OLFM1: variants seen among roughly 807,000 people sequenced by gnomAD.
OLFM1 encodes the protein olfactomedin 1, also known as noelin.
In OLFM1, 9 loss-of-function variants were observed where a neutral mutation model predicts 49.7. The observed-to-expected ratio is 0.18, with a 90% CI of 0.11 to 0.32. OLFM1 has a LOEUF of 0.32. Among genes scored for constraint, OLFM1 ranks in the 10% least tolerant of loss-of-function variants. The pLI is 1.00. For synonymous variants in OLFM1, 240 were observed against 271.8 expected (o/e 0.88, Z 1.15); for missense variants, 369 against 661.8 (o/e 0.56, Z 4.85).
intron 4 of OLFM1, among the ~76,000 whole-genome samples, chr9:135,101,846 C>T (rs574885998): frequency 8.5e-5 from 13 of 152,328 alleles, no homozygotes; most frequent in African/African-American, 2.9e-4. Flanking sequence ...TTCAGGCCTC[C>T]GTGGTCCTCT....
intron 2 of OLFM1, among the ~76,000 whole-genome samples, chr9:135,093,603 T>G (rs552358675): frequency 6.6e-6 from 1 of 152,288 alleles, no homozygotes; most frequent in South Asian, 2.1e-4. Context: ...CCCTCCCGCT[T>G]CTTAATGCCT....
At chr9:135,119,218 G>A (rs1429202882) in intron 5 of OLFM1, among the ~76,000 whole-genome samples, 1 of 150,272 alleles carries the variant, frequency 6.7e-6, no homozygotes, top group Non-Finnish European at 1.5e-5. Context: ...AGTGCTCGCT[G>A]TGTCTTTGGA....
chr9:135,087,107 C>T (rs1398850213), upstream of OLFM1, among the ~76,000 whole-genome samples: 1 of 152,252 alleles, frequency 6.6e-6, no homozygotes, highest in African/African-American at 2.4e-5. Flanking sequence ...CTTAGGGCAC[C>T]GCGGCTGCCC....
At chr9:135,108,516 C>T (rs1295496889) in intron 5 of OLFM1, among the ~76,000 whole-genome samples, 1 of 151,990 alleles carries the variant, frequency 6.6e-6, no homozygotes, top group Non-Finnish European at 1.5e-5. Flanking sequence ...ACCTGTAATC[C>T]CAGCGACTCC....
rs1031421310 is a variant in OLFM1 at position 135,120,321 on chromosome 9, C to T, written c.*143C>T. The T allele has an allele frequency of 6.9e-6, 5 of 726,740 alleles. No homozygotes were observed. The African/African-American group carries it at 8.9e-5, about 13-fold the overall frequency. The allele number at this position is 726,740 out of a possible 1,614,324, so 45.0% of individuals were successfully genotyped here. ...TGCGGATTCTGACATCGAGGGATGG[C>T]ATTACCTCCGTGTTTCTCCCTTTCG... On this transcript the variant is annotated 3_prime_UTR_variant, in exon 6 of 6. Transcript: ENST00000371793.
Position 135,080,770 on chromosome 9 carries a change from C to T in OLFM1, c.96+4968C>T, listed in dbSNP as rs140390192. Among the ~76,000 whole-genome samples the T allele has an allele frequency of 1.7e-3, 266 of 152,262 alleles. No homozygotes were observed. The highest frequency in any genetic ancestry group is 6.1e-3 in the African/African-American group (252 of 41,546). Reference sequence around the variant, plus strand: ...AACTGAATTAGATACATGGCAACCACGAGCTAGGCTGACAGGGCGAGCAGC... The same window carrying T: ...AACTGAATTAGATACATGGCAACCATGAGCTAGGCTGACAGGGCGAGCAGC... On this transcript the variant is annotated intron_variant, in intron 1 of 5. Transcript: ENST00000252854. This position sits in a 1 kb window ranked among gnomAD's most constrained non-coding sequence, Gnocchi z 4.5.
chr9:135,116,906 A>C (rs528785879), intron 5 of OLFM1, among the ~76,000 whole-genome samples: 1 of 152,248 alleles, frequency 6.6e-6, no homozygotes, highest in East Asian at 1.9e-4. Context: ...CATTAAAAAC[A>C]AAAAGCACAT....
intron 3 of OLFM1, among the ~76,000 whole-genome samples, chr9:135,096,667 C>G (rs906430516): frequency 6.6e-6 from 1 of 152,202 alleles, no homozygotes; most frequent in African/African-American, 2.4e-5. Context: ...GTTATTGGCC[C>G]TTGTCATTCT....
chr9:135,075,836 A>G (rs769798700), intron 1 of OLFM1: 5 of 1,564,822 alleles, frequency 3.2e-6, no homozygotes, highest in African/African-American at 1.4e-5. Context: ...CCTCCCTGCC[A>G]GGCGCCCGGC....
chr9:135,087,242 A>G, upstream of OLFM1: 2 of 1,420,334 alleles, frequency 1.4e-6, no homozygotes, highest in Non-Finnish European at 1.8e-6. Context: ...GCGACGGCCC[A>G]GGCTGGCTGG....
chr9:135,118,426 C>CACCA (rs1831128126), intron 5 of OLFM1, among the ~76,000 whole-genome samples: 1 of 143,610 alleles, frequency 7.0e-6, no homozygotes, highest in African/African-American at 2.7e-5. Flanking sequence ...TTGGAGTGCT[C>CACCA]GCTGTGTCTT....
In OLFM1 at chr9:135,098,854, A is replaced by G. The variant is rs1830834112; in HGVS notation, c.676+349A>G. Among the ~76,000 whole-genome samples the G allele has an allele frequency of 6.6e-6, 1 of 152,236 alleles. No individual in the cohort carries two copies. Among genetic ancestry groups the G allele is most frequent in the Non-Finnish European group, 1.5e-5 (1 of 68,038 alleles). ...TTAATAGGGCTGGCAATAACATCTCAGATTCCTCCGGATTGAGAACGGGGG... is the reference window on the plus strand; with the variant it reads ...TTAATAGGGCTGGCAATAACATCTCGGATTCCTCCGGATTGAGAACGGGGG... On this transcript the variant is annotated intron_variant, in intron 4 of 5. Coordinates refer to ENST00000371793, the MANE Select transcript of OLFM1 (RefSeq NM_001282611.2). This position sits in a 1 kb window ranked among gnomAD's most constrained non-coding sequence, Gnocchi z 5.6.
At chr9:135,085,782 T>G (rs971071000), upstream of OLFM1, among the ~76,000 whole-genome samples, 2 of 152,236 alleles carry the variant, frequency 1.3e-5, no homozygotes, top group African/African-American at 4.8e-5. Context: ...TAAATCCAAT[T>G]ACACTTACTC....
rs1367648279 is a variant in OLFM1 at position 135,075,763 on chromosome 9, C to T, written c.57C>T (p.Ser19=). The change falls in exon 1 of 6, where the codon AGC becomes AGT. Residue 19 remains serine (S), a synonymous_variant. Coordinates refer to the OLFM1 transcript ENST00000252854. The stretch of plus-strand genomic sequence containing the variant: ...TGCACCCGGCCCGGAAGCTCCTCAG[C>T]CTCCTCTTCCTCATCCTGATGGGCA... The T allele has an allele frequency of 3.7e-6, 6 of 1,607,260 alleles. No homozygotes were observed. In the African/African-American group the frequency reaches 8.1e-5, roughly 22 times the overall value.
intron 4 of OLFM1, among the ~76,000 whole-genome samples, chr9:135,100,671 C>T (rs1359696130): frequency 6.6e-6 from 1 of 152,188 alleles, no homozygotes. Flanking sequence ...TAGTAAATGC[C>T]ACTCGATAGC....
At chr9:135,091,349 G>A (rs1217597670) in intron 2 of OLFM1, among the ~76,000 whole-genome samples, 2 of 152,210 alleles carry the variant, frequency 1.3e-5, no homozygotes, top group Admixed American at 1.3e-4. Flanking sequence ...GAAGAAAGGT[G>A]CATTTGCATG....
At chr9:135,108,494 G>C (rs544122107) in intron 5 of OLFM1, among the ~76,000 whole-genome samples, 1 of 151,960 alleles carries the variant, frequency 6.6e-6, no homozygotes, top group Non-Finnish European at 1.5e-5. Flanking sequence ...TTAGCCAGGC[G>C]TGGTGGCGTG....
intron 4 of OLFM1, among the ~76,000 whole-genome samples, chr9:135,103,234 G>C (rs1289590367): frequency 6.6e-6 from 1 of 152,214 alleles, no homozygotes; most frequent in Non-Finnish European, 1.5e-5. Flanking sequence ...CATCCTGAGT[G>C]CTCGTGACTG....
rs753259000 is a variant in OLFM1, at chr9:135,119,855, G to A, written c.1135G>A (p.Val379Ile). Reference protein sequence around the residue: ...ATNQNAGNIVVSRLDPVSLQT... With the variant: ...ATNQNAGNIVISRLDPVSLQT... ...CAACCAGAACGCTGGCAACATCGTG[G>A]TCAGTAGGCTGGACCCCGTGTCCCT... is the stretch of plus-strand genomic sequence containing the variant. The change falls in exon 6 of 6, where the codon GTC (valine) becomes ATC (isoleucine). Residue 379 changes from valine to isoleucine, a missense_variant. Val to Ile is a conservative substitution (Grantham distance 29, BLOSUM62 3). Coordinates refer to ENST00000371793, the MANE Select transcript of OLFM1 (RefSeq NM_001282611.2). The A allele has an allele frequency of 1.2e-6, 2 of 1,613,712 alleles. No individual in the cohort carries two copies. The highest frequency in any genetic ancestry group is 1.7e-6 in the Non-Finnish European group (2 of 1,180,034).
Sources: allele counts gnomAD v4.1 joint callset (sites outside exome capture counted in the v4.1 genomes callset), GRCh38; gene constraint gnomAD v4.1.1; non-coding constraint Gnocchi (gnomAD v3.1); transcripts MANE v1.5; gene names NCBI Gene and HGNC (gene_info 2026-07-23, HGNC 2026-07-21).